The following SKP1 variants were observed in gnomAD, a reference collection of about 807,000 sequenced individuals.
SKP1 encodes S-phase kinase associated protein 1, also known as S-phase kinase-associated protein 1.
A neutral mutation model predicts 21.5 loss-of-function variants in SKP1; 1 was observed. The ratio of observed to expected loss-of-function variants is 0.05; its 90% CI spans 0.02 to 0.22. The LOEUF (loss-of-function observed/expected upper bound fraction) is 0.22, where lower values mean the gene tolerates loss of function less well. Among genes scored for constraint, SKP1 ranks in the 10% least tolerant of loss-of-function variants. The pLI is 1.00. For synonymous variants in SKP1, 59 were observed against 59.3 expected (o/e 0.99, Z 0.03); for missense variants, 70 against 192.0 (o/e 0.36, Z 3.76).
chr5:134,161,512 T>A (rs1244420349), intron 3 of SKP1: 1 of 155,946 alleles, frequency 6.4e-6, no homozygotes, highest in African/African-American at 2.4e-5. Flanking sequence ...ATAAATGAAA[T>A]CTGAATAGCC....
At chr5:134,174,431 A>T in intron 1 of SKP1, 3 of 947,332 alleles carry the variant, frequency 3.2e-6, no homozygotes, top group Non-Finnish European at 3.8e-6. Context: ...CTACTAAATA[A>T]GATAGAAATT....
At chr5:134,174,466 G>A (rs1411320430) in intron 1 of SKP1, 2 of 994,744 alleles carry the variant, frequency 2.0e-6, no homozygotes, top group East Asian at 2.1e-4. Context: ...TCCTACCTGT[G>A]AAGATGAGTT....
intron 2 of SKP1, 135 bp downstream of exon 2, chr5:134,173,791 A>T: frequency 2.8e-6 from 2 of 713,784 alleles, no homozygotes; most frequent in South Asian, 3.0e-5. Context: ...TGTAAGTTAT[A>T]AAGAAAAAAA....
intron 2 of SKP1, chr5:134,173,325 A>T (rs1191463834): frequency 1.2e-5 from 2 of 173,862 alleles, no homozygotes; most frequent in Non-Finnish European, 2.5e-5. Flanking sequence ...AGAGCAAAAA[A>T]ATCCGTCTCA....
rs1218800341 is a variant in SKP1 at position 134,171,180 on chromosome 5, T to C, written c.97+2746A>G. Reference sequence around the variant, plus strand: ...TATCAGAAAACAGAAGTCACCCACTTAGAAAACAAAACAGAAGACACATCC... The same window carrying C: ...TATCAGAAAACAGAAGTCACCCACTCAGAAAACAAAACAGAAGACACATCC... On this transcript the variant is annotated intron_variant, in intron 2 of 5. Coordinates refer to ENST00000353411, the MANE Select transcript of SKP1 (RefSeq NM_170679.3). 6 of 366,382 alleles carry C rather than the reference T, an allele frequency of 1.6e-5. No homozygotes were observed. In the East Asian group the frequency reaches 3.7e-4, roughly 22 times the overall value. The allele number at this position is 366,382 out of a possible 1,614,324, so 22.7% of individuals were successfully genotyped here.
Position 134,152,853 on chromosome 5 carries a change from A to T in SKP1, c.*4880T>A, listed in dbSNP as rs1249414655. 7 of 152,380 alleles carry T rather than the reference A, an allele frequency of 4.6e-5. No individual in the cohort carries two copies. The highest frequency in any genetic ancestry group is 1.0e-4 in the Non-Finnish European group (7 of 68,206). The allele number at this position is 152,380 out of a possible 1,614,324, so 9.4% of individuals were successfully genotyped here. A position where few individuals can be genotyped will look rare whatever the true frequency, so the allele number is the denominator to read the frequency against. ...CCGTGCCCAGCCCAGGAACATTTTT[A>T]TTAGAGTTATCCACTCCCTCCCAGC... On this transcript the variant is annotated 3_prime_UTR_variant, in exon 6 of 6. Transcript: ENST00000353411.
Position 134,155,159 on chromosome 5 carries a change from C to T in SKP1, c.*2574G>A, listed in dbSNP as rs1761102827. ...GCCATGAAGACACTAAAACTCCAGCCTCAAGGTATGACTTAATGCCACAAT... is the reference window on the plus strand; with the variant it reads ...GCCATGAAGACACTAAAACTCCAGCTTCAAGGTATGACTTAATGCCACAAT... On this transcript the variant is annotated 3_prime_UTR_variant, in exon 6 of 6. Coordinates refer to ENST00000353411, the MANE Select transcript of SKP1 (RefSeq NM_170679.3). 1.3e-5 allele frequency: 2 copies of T among 152,120 alleles called. No homozygotes were observed. Among genetic ancestry groups the T allele is most frequent in the Non-Finnish European group, 2.9e-5 (2 of 68,036 alleles). 9.4% of individuals were successfully genotyped at this position (152,120 alleles called of 1,614,324 possible).
chr5:134,163,362 C>T (rs13361511), intron 3 of SKP1, among the ~76,000 whole-genome samples: 7,201 of 151,724 alleles, frequency 0.047, 489 homozygotes, highest in African/African-American at 0.15. Context: ...TGCCACATTA[C>T]TTTGTGGGGG....
rs1257421201 is a variant in SKP1, at chr5:134,150,262, G to T, written c.*7471C>A. Reference sequence around the variant, plus strand: ...CTGACATGTAATTATCTTTTGAATGGCTCCTGTGGTCTCCCATTCCTTCTG... The same window carrying T: ...CTGACATGTAATTATCTTTTGAATGTCTCCTGTGGTCTCCCATTCCTTCTG... On this transcript the variant is annotated 3_prime_UTR_variant, in exon 6 of 6. Coordinates refer to ENST00000353411, the MANE Select transcript of SKP1 (RefSeq NM_170679.3). The T allele has an allele frequency of 1.3e-5, 2 of 152,158 alleles. No homozygotes were observed. Among genetic ancestry groups the T allele is most frequent in the Non-Finnish European group, 2.9e-5 (2 of 68,052 alleles). The allele number at this position is 152,158 out of a possible 1,614,324, so 9.4% of individuals were successfully genotyped here. A position where few individuals can be genotyped will look rare whatever the true frequency, so the allele number is the denominator to read the frequency against.
chr5:134,160,904 T>C (rs758209899), intron 4 of SKP1, 83 bp downstream of exon 4: 3 of 883,400 alleles, frequency 3.4e-6, no homozygotes, highest in Non-Finnish European at 3.5e-6. Flanking sequence ...TAAAATTCAG[T>C]GTCAATGAAG....
At chr5:134,166,897 T>C (rs1474263284) in intron 3 of SKP1, among the ~76,000 whole-genome samples, 1 of 152,200 alleles carries the variant, frequency 6.6e-6, no homozygotes, top group Non-Finnish European at 1.5e-5. Context: ...ATGTAGATCA[T>C]CCTTCCTAGG....
chr5:134,151,189 T>C lies in SKP1; in HGVS notation c.*6544A>G, dbSNP rs1467803343. On this transcript the variant is annotated 3_prime_UTR_variant, in exon 6 of 6. Transcript: ENST00000353411. Reference sequence around the variant, plus strand: ...GGGCTCTGGACCAAGTCTTCCTTTTTCATTCAAGTGTTCTCATTCTTTTAT... The same window carrying C: ...GGGCTCTGGACCAAGTCTTCCTTTTCCATTCAAGTGTTCTCATTCTTTTAT... 1 of 152,500 alleles carries C rather than the reference T, an allele frequency of 6.6e-6. No individual in the cohort carries two copies. Among genetic ancestry groups the C allele is most frequent in the Non-Finnish European group, 1.5e-5 (1 of 68,276 alleles). The allele number at this position is 152,500 out of a possible 1,614,324, so 9.4% of individuals were successfully genotyped here. A position where few individuals can be genotyped will look rare whatever the true frequency, so the allele number is the denominator to read the frequency against.
rs1760991255 is a variant in SKP1, at chr5:134,148,957, G to A, written c.*8776C>T. The A allele has an allele frequency of 6.6e-6, 1 of 152,204 alleles. No individual in the cohort carries two copies. Among genetic ancestry groups the A allele is most frequent in the South Asian group, 2.1e-4 (1 of 4,832 alleles). The allele number at this position is 152,204 out of a possible 1,614,324, so 9.4% of individuals were successfully genotyped here. On this transcript the variant is annotated 3_prime_UTR_variant, in exon 6 of 6. Transcript: ENST00000353411. ...ACATACGCTGTTGGTGGACACGACA[G>A]CCACCATATCCACTTTATTTTTAGA...
At chr5:134,159,233 T>C (rs912469527) in intron 4 of SKP1, among the ~76,000 whole-genome samples, 6 of 152,254 alleles carry the variant, frequency 3.9e-5, no homozygotes, top group Non-Finnish European at 7.3e-5. Context: ...CAGCTCAAAA[T>C]ACTTTCTATT....
intron 3 of SKP1, 106 bp from the exon 4 acceptor site, chr5:134,161,236 G>T: frequency 1.0e-6 from 1 of 994,976 alleles, no homozygotes; most frequent in Middle Eastern, 2.7e-4. Flanking sequence ...GCTAGAGGTT[G>T]ACTTGAGCCA....
At chr5:134,174,977 T>A (rs931657770) in intron 1 of SKP1, 3 of 152,200 alleles carry the variant, frequency 2.0e-5, no homozygotes, top group African/African-American at 4.8e-5. Context: ...CATACAACTT[T>A]TAAAAGGCCC....
chr5:134,175,428 G>A (rs923491698), intron 1 of SKP1: 2 of 152,126 alleles, frequency 1.3e-5, no homozygotes, highest in Admixed American at 1.3e-4. Context: ...CCCTTCCTGT[G>A]ACAAGACCAC....
chr5:134,170,026 G>T (rs1292585876), intron 2 of SKP1, among the ~76,000 whole-genome samples: 1 of 148,736 alleles, frequency 6.7e-6, no homozygotes, highest in African/African-American at 2.5e-5. Context: ...AAAATTAGCT[G>T]GGTGTGGTGG....
intron 5 of SKP1, 74 bp from the exon 6 acceptor site, chr5:134,157,842 A>G: frequency 6.2e-7 from 1 of 1,611,802 alleles, no homozygotes; most frequent in Non-Finnish European, 8.5e-7. Flanking sequence ...CTACCTACTG[A>G]TTCATCGATA....
Sources: gnomAD v4.1 joint callset for allele counts (sites outside exome capture counted in the v4.1 genomes callset) on GRCh38, gnomAD v4.1.1 for gene constraint, MANE v1.5 for transcripts, NCBI Gene and HGNC (gene_info 2026-07-23, HGNC 2026-07-21) for gene names.